The following TMEM260 variants were observed in gnomAD, a reference collection of about 807,000 sequenced individuals.
TMEM260 encodes protein O-mannosyl-transferase TMEM260.
In TMEM260, 82 loss-of-function variants were observed where a neutral mutation model predicts 88.9. The ratio of observed to expected loss-of-function variants is 0.92; its 90% CI spans 0.77 to 1.11. The LOEUF (loss-of-function observed/expected upper bound fraction) is 1.11, where lower values mean the gene tolerates loss of function less well. Ranked by LOEUF, TMEM260 falls within the 50% of genes least tolerant of loss-of-function variation. The pLI is 0.00. For missense variants in TMEM260, 902 were observed against 853.4 expected (o/e 1.06, Z -0.71); for synonymous variants, 314 against 309.3 (o/e 1.02, Z -0.16).
intron 10 of TMEM260, 90 bp from the exon 11 acceptor site, chr14:56,621,441 G>T: frequency 2.2e-6 from 2 of 921,232 alleles, no homozygotes; most frequent in Admixed American, 2.8e-5. Flanking sequence ...ATTGTATGAT[G>T]GGAAAAGAAT....
chr14:56,653,450 C>T (rs1183402815), downstream of TMEM260, among the ~76,000 whole-genome samples: 8 of 151,196 alleles, frequency 5.3e-5, no homozygotes, highest in Admixed American at 5.3e-4. Context: ...AACTTAACAC[C>T]AGGCCAGGCA....
chr14:56,582,738 G>T (rs1221808435), intron 1 of TMEM260, among the ~76,000 whole-genome samples: 2 of 152,110 alleles, frequency 1.3e-5, no homozygotes. Context: ...GTAAAGGGTT[G>T]GGAGAAAGCC....
At chr14:56,626,754 T>C (rs1191399855) in intron 12 of TMEM260, among the ~76,000 whole-genome samples, 1 of 152,154 alleles carries the variant, frequency 6.6e-6, no homozygotes, top group African/African-American at 2.4e-5. Flanking sequence ...TCCAAAATGT[T>C]CCAAGAACAA....
At chr14:56,638,448 ACTTACTGATACTTT>A (rs1889295693) in intron 15 of TMEM260, 1 of 152,174 alleles carries the variant, frequency 6.6e-6, no homozygotes, top group Non-Finnish European at 1.5e-5. Flanking sequence ...ACTGAGACTT[ACTTACTGATACTTT>A]ATATTCTCAT....
At chr14:56,634,742 G>T (rs940065506) in intron 13 of TMEM260, among the ~76,000 whole-genome samples, 157 bp from the exon 14 acceptor site, 7 of 151,928 alleles carry the variant, frequency 4.6e-5, no homozygotes, top group Non-Finnish European at 8.8e-5. Context: ...CTTGGGAGGC[G>T]GGGGCAGGAG....
chr14:56,629,271 GTTTT>G (rs60646032), intron 12 of TMEM260, among the ~76,000 whole-genome samples: 1 of 137,476 alleles, frequency 7.3e-6, no homozygotes. Context: ...TGTTTTTGTT[GTTTT>G]TTTTTTTTTT....
At chr14:56,662,384 C>T in the TMEM260 span, among the ~76,000 whole-genome samples, 57 of 152,308 alleles carry the variant, frequency 3.7e-4, no homozygotes, top group African/African-American at 1.3e-3. Context: ...CAAAACTTCT[C>T]TGCAGAGCCC....
intron 7 of TMEM260, among the ~76,000 whole-genome samples, chr14:56,615,071 G>A (rs1466102380): frequency 6.6e-6 from 1 of 152,108 alleles, no homozygotes; most frequent in East Asian, 1.9e-4. Flanking sequence ...TTTGAAGAAT[G>A]GTTTGAAATG....
At chr14:56,602,660 AAAT>A (rs1479955586) in intron 3 of TMEM260, among the ~76,000 whole-genome samples, 28 of 152,302 alleles carry the variant, frequency 1.8e-4, no homozygotes, top group African/African-American at 6.3e-4. Context: ...TGGAAGGAAG[AAAT>A]AATAATGTGT....
intron 12 of TMEM260, among the ~76,000 whole-genome samples, chr14:56,631,188 A>G (rs1888568879): frequency 6.6e-6 from 1 of 152,238 alleles, no homozygotes; most frequent in African/African-American, 2.4e-5. Context: ...GACTTGACAG[A>G]CAAGTGCCCC....
intron 3 of TMEM260, among the ~76,000 whole-genome samples, chr14:56,588,062 T>A (rs1301100062): frequency 2.0e-5 from 3 of 152,108 alleles, no homozygotes; most frequent in Non-Finnish European, 4.4e-5. Flanking sequence ...TAAATGTGTT[T>A]CTTTGCAGCT....
intron 4 of TMEM260, among the ~76,000 whole-genome samples, chr14:56,605,259 CT>C (rs1886823710): frequency 6.6e-6 from 1 of 152,154 alleles, no homozygotes; most frequent in South Asian, 2.1e-4. Flanking sequence ...ATAGATTTTA[CT>C]TGAATAAGCA....
At chr14:56,588,337 G>A (rs1380406670) in intron 3 of TMEM260, among the ~76,000 whole-genome samples, 1 of 151,704 alleles carries the variant, frequency 6.6e-6, no homozygotes, top group Non-Finnish European at 1.5e-5. Flanking sequence ...TAGCTCTTGG[G>A]GTGGACATAA....
intron 6 of TMEM260, among the ~76,000 whole-genome samples, chr14:56,610,183 A>G (rs1887164760): frequency 6.6e-6 from 1 of 152,058 alleles, no homozygotes; most frequent in Admixed American, 6.6e-5. Flanking sequence ...GCTTTGGGAG[A>G]TACCTTATGA....
chr14:56,645,155 A>G (rs998347192), intron 15 of TMEM260, among the ~76,000 whole-genome samples: 1 of 151,352 alleles, frequency 6.6e-6, no homozygotes, highest in African/African-American at 2.4e-5. Flanking sequence ...TATATACCCA[A>G]AGGATTATAA....
At chr14:56,588,071 C>T (rs1885622439) in intron 3 of TMEM260, among the ~76,000 whole-genome samples, 1 of 152,060 alleles carries the variant, frequency 6.6e-6, no homozygotes, top group Non-Finnish European at 1.5e-5. Context: ...TTCTTTGCAG[C>T]TTGACTCCCT....
chr14:56,584,876 AC>A, intron 1 of TMEM260, 124 bp from the exon 2 acceptor site: 2 of 712,430 alleles, frequency 2.8e-6, no homozygotes, highest in Admixed American at 2.8e-5. Flanking sequence ...TTAAATCTCT[AC>A]AGATTTACAG....
chr14:56,656,660 G>A, the TMEM260 span, among the ~76,000 whole-genome samples: 1 of 151,910 alleles, frequency 6.6e-6, no homozygotes, highest in Non-Finnish European at 1.5e-5. Context: ...AAAGCCTCCT[G>A]GTACTTTGCT....
the TMEM260 span, among the ~76,000 whole-genome samples, chr14:56,660,373 G>A: frequency 1.3e-5 from 2 of 152,208 alleles, no homozygotes; most frequent in East Asian, 3.8e-4. Context: ...ATGTTAAATT[G>A]CTGGATTTAA....
Sources: allele counts gnomAD v4.1 joint callset (sites outside exome capture counted in the v4.1 genomes callset), GRCh38; gene constraint gnomAD v4.1.1; transcripts MANE v1.5; gene names NCBI Gene and HGNC (gene_info 2026-07-23, HGNC 2026-07-21).